ARHGAP24: variants seen among roughly 807,000 people sequenced by gnomAD.
ARHGAP24 encodes the protein Rho GTPase activating protein 24.
A neutral mutation model predicts 76.4 loss-of-function variants in ARHGAP24; 50 were observed. That is an observed-to-expected ratio of 0.65 (90% CI 0.52 to 0.83). The LOEUF is 0.83. ARHGAP24 is among the 40% of genes least tolerant of loss of function. The pLI is 0.00. For synonymous variants in ARHGAP24, 345 were observed against 323.3 expected (o/e 1.07, Z -0.72); for missense variants, 930 against 914.2 (o/e 1.02, Z -0.22).
chr4:85,675,435 A>G (rs1246199424), intron 2 of ARHGAP24, among the ~76,000 whole-genome samples: 1 of 152,220 alleles, frequency 6.6e-6, no homozygotes, highest in Non-Finnish European at 1.5e-5. Context: ...ATGAAAATAA[A>G]TCTAACAGAA....
At chr4:85,533,789 A>G (rs796487646) in intron 1 of ARHGAP24, among the ~76,000 whole-genome samples, 14 of 152,346 alleles carry the variant, frequency 9.2e-5, no homozygotes, top group Admixed American at 2.6e-4. Flanking sequence ...TCAAATTTGT[A>G]TACATTCAAA....
rs1201912133 is a variant in ARHGAP24 at position 85,487,224 on chromosome 4, ATATT to A, written c.-21+11671_-21+11674del. ...ATTTATTTTATATATATAAAAATAT[ATATT>A]TATTTTATATATAGTAAATATATAT... On this transcript the variant is annotated intron_variant, in intron 1 of 9. Coordinates refer to ENST00000395184, the MANE Select transcript of ARHGAP24 (RefSeq NM_001025616.3). Among the ~76,000 whole-genome samples the A allele has an allele frequency of 3.0e-3, 398 of 133,912 alleles. 2 individuals are homozygous for A. Among genetic ancestry groups the A allele is most frequent in the African/African-American group, 0.01 (372 of 35,862 alleles). The allele number at this position is 133,912 out of a possible 152,430, so 87.9% of individuals were successfully genotyped here.
chr4:85,842,464 T>C (rs1193370420), intron 3 of ARHGAP24, among the ~76,000 whole-genome samples: 1 of 152,234 alleles, frequency 6.6e-6, no homozygotes, highest in Admixed American at 6.5e-5. Context: ...TAAAACATTT[T>C]TATTGTTGTT....
intron 5 of ARHGAP24, among the ~76,000 whole-genome samples, chr4:85,943,928 A>T (rs191533228): frequency 1.3e-5 from 2 of 152,138 alleles, no homozygotes; most frequent in African/African-American, 4.8e-5. Context: ...ATACGTGTGC[A>T]TATATCTTTA....
intron 3 of ARHGAP24, among the ~76,000 whole-genome samples, chr4:85,774,817 T>C (rs577798372): frequency 6.6e-6 from 1 of 152,182 alleles, no homozygotes; most frequent in Non-Finnish European, 1.5e-5. Context: ...TTTGCCTTCA[T>C]GTTTATGGAC....
intron 1 of ARHGAP24, among the ~76,000 whole-genome samples, chr4:85,555,876 G>A (rs112727036): frequency 6.9e-6 from 1 of 145,876 alleles, no homozygotes; most frequent in Middle Eastern, 3.6e-3. Flanking sequence ...CTCATGGGGG[G>A]AAACTGACTG....
At chr4:85,606,596 T>G (rs959305309) in intron 2 of ARHGAP24, among the ~76,000 whole-genome samples, 13 of 152,176 alleles carry the variant, frequency 8.5e-5, no homozygotes, top group African/African-American at 3.1e-4. Context: ...CCAATTAGCT[T>G]TGTAACTTAC....
At chr4:85,933,292 G>A (rs992813157) in intron 4 of ARHGAP24, among the ~76,000 whole-genome samples, 2 of 152,100 alleles carry the variant, frequency 1.3e-5, no homozygotes, top group African/African-American at 4.8e-5. Context: ...TTTTTTTACT[G>A]TTGTCAAAAG....
At chr4:85,516,077 C>T (rs1724487030) in intron 1 of ARHGAP24, among the ~76,000 whole-genome samples, 1 of 152,192 alleles carries the variant, frequency 6.6e-6, no homozygotes, top group African/African-American at 2.4e-5. Flanking sequence ...CACATTCTTC[C>T]CAGGTCTGCT....
intron 3 of ARHGAP24, among the ~76,000 whole-genome samples, chr4:85,835,503 C>T (rs1306058790): frequency 6.9e-6 from 1 of 145,434 alleles, no homozygotes; most frequent in African/African-American, 2.5e-5. Context: ...TTGCAGTGGG[C>T]CGAGATCGCG....
chr4:85,985,690 T>C (rs1373999048), intron 8 of ARHGAP24, among the ~76,000 whole-genome samples: 1 of 151,952 alleles, frequency 6.6e-6, no homozygotes, highest in East Asian at 1.9e-4. Context: ...AAAAGAGAGG[T>C]AGTGATCAGA....
At chr4:85,580,410 C>A (rs1293871827) in intron 2 of ARHGAP24, among the ~76,000 whole-genome samples, 1 of 152,126 alleles carries the variant, frequency 6.6e-6, no homozygotes, top group African/African-American at 2.4e-5. Context: ...CCTATCTTGT[C>A]CTTTTTCTTC....
chr4:85,654,578 T>C (rs947371315), intron 2 of ARHGAP24, among the ~76,000 whole-genome samples: 7 of 152,164 alleles, frequency 4.6e-5, no homozygotes, highest in Non-Finnish European at 1.0e-4. Flanking sequence ...TCATGCTGCA[T>C]ACCATTACCT....
chr4:85,503,834 G>T (rs1333913344), intron 1 of ARHGAP24, among the ~76,000 whole-genome samples: 1 of 152,162 alleles, frequency 6.6e-6, no homozygotes, highest in African/African-American at 2.4e-5. Flanking sequence ...GATCGTTCCT[G>T]CTTTCTCTTG....
chr4:85,629,152 A>G (rs1290040767), intron 2 of ARHGAP24, among the ~76,000 whole-genome samples: 4 of 152,182 alleles, frequency 2.6e-5, no homozygotes, highest in African/African-American at 9.6e-5. Flanking sequence ...TGTGGTTACC[A>G]CAAGGCTTAC....
At chr4:85,655,720 C>G (rs1420869581) in intron 2 of ARHGAP24, among the ~76,000 whole-genome samples, 1 of 145,594 alleles carries the variant, frequency 6.9e-6, no homozygotes, top group South Asian at 2.2e-4. Flanking sequence ...TGCAGTGAGC[C>G]GAGTTTGCAC....
intron 3 of ARHGAP24, among the ~76,000 whole-genome samples, chr4:85,859,941 AT>A (rs1404546926): frequency 6.6e-6 from 1 of 152,058 alleles, no homozygotes; most frequent in African/African-American, 2.4e-5. Flanking sequence ...TAAAAAAAAA[AT>A]TCAAGCATTT....
At chr4:85,956,739 C>A (rs1405843318) in intron 5 of ARHGAP24, among the ~76,000 whole-genome samples, 1 of 152,256 alleles carries the variant, frequency 6.6e-6, no homozygotes, top group Non-Finnish European at 1.5e-5. Flanking sequence ...ATGGACGCCT[C>A]GCTGAATCAG....
At position 85,942,230 on chromosome 4, in the gene ARHGAP24, C is replaced by A; in HGVS notation, c.556C>A (p.Leu186Ile). 1 of 1,614,064 alleles carries A rather than the reference C, an allele frequency of 6.2e-7. No homozygotes were observed. Among genetic ancestry groups the A allele is most frequent in the Non-Finnish European group, 8.5e-7 (1 of 1,180,002 alleles). ...AGGCCAGGCTAATCTTGTTAAGGAG[C>A]TCCAAGATGCCTTTGACTGTGGGGA... ...LPGQANLVKE[L>I]QDAFDCGEKP... The change falls in exon 5 of 10, where the codon CTC (leucine) becomes ATC (isoleucine). Residue 186 changes from leucine (L) to isoleucine (I), a missense_variant. Transcript: ENST00000395184.
Sources: allele counts gnomAD v4.1 joint callset (sites outside exome capture counted in the v4.1 genomes callset), GRCh38; gene constraint gnomAD v4.1.1; transcripts MANE v1.5; gene names NCBI Gene and HGNC (gene_info 2026-07-23, HGNC 2026-07-21).